Variants in TRIM3 observed in about 807,000 individuals in gnomAD.
TRIM3 encodes the protein tripartite motif containing 3, also known as tripartite motif-containing protein 3.
TRIM3 carries 13 observed loss-of-function variants against 66.6 expected under a neutral mutation model. That is an observed-to-expected ratio of 0.20 (90% confidence interval 0.13 to 0.31). The LOEUF is 0.31. Among genes scored for constraint, TRIM3 ranks in the 10% least tolerant of loss-of-function variants. The probability of loss-of-function intolerance (pLI) is 1.00; values close to 1 mark genes in which losing one functional copy is unlikely to be tolerated. For synonymous variants in TRIM3, 406 were observed against 411.7 expected, an observed-to-expected ratio of 0.99 and a Z score of 0.17; for missense variants, 711 against 1,020.4, an observed-to-expected ratio of 0.70 and a Z score of 4.13.
intron 7 of TRIM3, 94 bp downstream of exon 7, chr11:6,455,978 T>C (rs1033651782): frequency 4.8e-6 from 6 of 1,249,396 alleles, no homozygotes; most frequent in Non-Finnish European, 6.9e-6. Context: ...GGGTTCCATC[T>C]TCCAGGAGGT....
rs1850082575 is a variant in TRIM3, at chr11:6,458,258, A to T, written c.170T>A (p.Leu57Gln). Residue 57 changes from leucine (L) to glutamine (Q), a missense_variant, in exon 3 of 12, where the codon CTA becomes CAA. Physicochemically the swap from Leu to Gln is moderately radical, Grantham distance 113. Around this residue, in one of 3 missense-constraint regions of TRIM3, gnomAD observed 149 missense variants for 240.3 expected, o/e 0.62. Transcript: ENST00000345851. The surrounding 1 kb of genome is among the most constrained non-coding windows in gnomAD (Gnocchi z 6.2). ...QNYIPAQSLT[L>Q]SCPVCRQTSI... ...CGTCTGCCGGCATACTGGACAGGAT[A>T]GCGTCAGGCTCTGGGCAGGGATATA... The T allele has an allele frequency of 1.2e-6, 2 of 1,614,046 alleles. No homozygotes were observed. Among genetic ancestry groups the T allele is most frequent in the Non-Finnish European group, 1.7e-6 (2 of 1,180,004 alleles).
chr11:6,462,896 A>G (rs1564971859), intron 2 of TRIM3, among the ~76,000 whole-genome samples: 1 of 151,874 alleles, frequency 6.6e-6, no homozygotes, highest in Non-Finnish European at 1.5e-5. Flanking sequence ...CATCTCTAAA[A>G]AAAAAATAAA....
rs868258571 is a variant in TRIM3 at position 6,450,635 on chromosome 11, G to A, written c.1871-14C>T. ...CAAAATGGGGCCCTGAAAATACAAA[G>A]TGGTCTTCAGGGCAGTAAGCTGGGA... On this transcript the variant is annotated splice_polypyrimidine_tract_variant and intron_variant, in intron 9 of 11. Transcript: ENST00000345851. The surrounding 1 kb of genome is among the most constrained non-coding windows in gnomAD (Gnocchi z 4.8). 1.2e-5 allele frequency: 20 copies of A among 1,613,496 alleles called. No homozygotes were observed. Among genetic ancestry groups the A allele is most frequent in the Non-Finnish European group, 1.7e-5 (20 of 1,179,438 alleles).
chr11:6,453,565 A>G (rs1849829437), intron 7 of TRIM3, among the ~76,000 whole-genome samples: 1 of 152,230 alleles, frequency 6.6e-6, no homozygotes, highest in Admixed American at 6.5e-5. Context: ...CCAGTAAAGT[A>G]TGAAAAGTAC....
intron 1 of TRIM3, 113 bp from the exon 2 acceptor site, chr11:6,465,845 C>T (rs1307306233): frequency 2.3e-6 from 2 of 869,076 alleles, no homozygotes; most frequent in Admixed American, 2.4e-5. Flanking sequence ...CTGCTAGGGG[C>T]AAGACAGGGC....
chr11:6,454,369 C>T (rs1384173857), intron 7 of TRIM3, among the ~76,000 whole-genome samples: 1 of 129,956 alleles, frequency 7.7e-6, no homozygotes, highest in African/African-American at 2.8e-5. Context: ...CCAGCCTGGA[C>T]AACAGAGACC....
chr11:6,461,664 T>C (rs899476094), intron 2 of TRIM3, among the ~76,000 whole-genome samples: 1 of 152,144 alleles, frequency 6.6e-6, no homozygotes, highest in African/African-American at 2.4e-5. Context: ...GCAGCTTTCT[T>C]CCAAGCTCAC....
At chr11:6,452,711 T>G (rs1332834363) in intron 7 of TRIM3, 1 of 152,214 alleles carries the variant, frequency 6.6e-6, no homozygotes, top group Non-Finnish European at 1.5e-5. Context: ...TACCATGAGC[T>G]CCACGAGCTA....
At chr11:6,467,347 T>G (rs1193660708) in intron 1 of TRIM3, among the ~76,000 whole-genome samples, 1 of 152,108 alleles carries the variant, frequency 6.6e-6, no homozygotes, top group East Asian at 1.9e-4. Flanking sequence ...TAAAGGTTCT[T>G]AGGCAGAAGG....
intron 1 of TRIM3, among the ~76,000 whole-genome samples, chr11:6,467,869 T>C (rs951402581): frequency 6.6e-6 from 1 of 152,214 alleles, no homozygotes; most frequent in African/African-American, 2.4e-5. Context: ...GCTGTGAGAA[T>C]TGAAGACAAA....
In TRIM3 at chr11:6,451,386, G is replaced by A; in HGVS notation, c.1586C>T (p.Ser529Leu). 1 of 1,614,212 alleles carries A rather than the reference G, an allele frequency of 6.2e-7. No homozygotes were observed. Among genetic ancestry groups the A allele is most frequent in the Non-Finnish European group, 8.5e-7 (1 of 1,180,044 alleles). Residue 529 changes from serine (S) to leucine (L), a missense_variant, in exon 8 of 12, where the codon TCA becomes TTA. Physicochemically the swap from Ser to Leu is moderately radical, Grantham distance 145. Transcript: ENST00000345851. Reference sequence around the variant, plus strand: ...TGTGGGGCGCTGCAGCTGCCCAGGTGAGCGTCCTCGGACCCCAAAACGGAA... The same window carrying A: ...TGTGGGGCGCTGCAGCTGCCCAGGTAAGCGTCCTCGGACCCCAAAACGGAA... ...FKFRFGVRGR[S>L]PGQLQRPTGV... is the part of the protein sequence containing the mutation.
chr11:6,457,971 A>C lies in TRIM3; in HGVS notation c.363+94T>G. 6.5e-7 allele frequency: 1 copy of C among 1,536,804 alleles called. No individual in the cohort carries two copies. The highest frequency in any genetic ancestry group is 8.8e-7 in the Non-Finnish European group (1 of 1,133,932). On this transcript the variant is annotated intron_variant, in intron 3 of 11. Coordinates refer to ENST00000345851, the MANE Select transcript of TRIM3 (RefSeq NM_033278.4). This position sits in a 1 kb window ranked among gnomAD's most constrained non-coding sequence, Gnocchi z 4.5. The stretch of plus-strand genomic sequence containing the variant: ...CCTACCTGGACCACTAATCCAGAGC[A>C]GTACCCTGTCACCCAGCCACTCGGC...
chr11:6,457,983 C>T lies in TRIM3; in HGVS notation c.363+82G>A, dbSNP rs1440406521. On this transcript the variant is annotated intron_variant, in intron 3 of 11. Transcript: ENST00000345851. This position sits in a 1 kb window ranked among gnomAD's most constrained non-coding sequence, Gnocchi z 4.5. The stretch of plus-strand genomic sequence containing the variant: ...ACTAATCCAGAGCAGTACCCTGTCA[C>T]CCAGCCACTCGGCACCCCCCAATGC... The T allele has an allele frequency of 2.6e-6, 4 of 1,535,970 alleles. No homozygotes were observed. The East Asian group carries it at 6.9e-5, about 26-fold the overall frequency.
rs116192611 is a variant in TRIM3, at chr11:6,451,821, A to G, written c.1534-383T>C. 921 of 213,044 alleles carry G rather than the reference A, an allele frequency of 4.3e-3. 7 individuals carry two copies. The highest frequency in any genetic ancestry group is 0.021 in the African/African-American group (888 of 43,048). The allele number at this position is 213,044 out of a possible 1,614,324, so 13.2% of individuals were successfully genotyped here. ...ATGGGCACCACTTGAGGACTTGTCC[A>G]GTGTGGCTGGACTGCAGGGAGCACC... On this transcript the variant is annotated intron_variant, in intron 7 of 11. Transcript: ENST00000345851.
Position 6,450,844 on chromosome 11 carries a change from C to A in TRIM3, c.1870+48G>T. 1 of 1,606,576 alleles carries A rather than the reference C, an allele frequency of 6.2e-7. No individual in the cohort carries two copies. ...TACAGCTGGGGTATCTAGGGGAGTT[C>A]TCTGGAACAGGGGTATCAGCATAGA... On this transcript the variant is annotated intron_variant, in intron 9 of 11. Coordinates refer to ENST00000345851, the MANE Select transcript of TRIM3 (RefSeq NM_033278.4). The surrounding 1 kb of genome is among the most constrained non-coding windows in gnomAD (Gnocchi z 4.8).
Position 6,458,028 on chromosome 11 carries a change from C to G in TRIM3, c.363+37G>C. The G allele has an allele frequency of 6.4e-7, 1 of 1,570,624 alleles. No individual in the cohort carries two copies. The highest frequency in any genetic ancestry group is 8.6e-7 in the Non-Finnish European group (1 of 1,157,646). On this transcript the variant is annotated intron_variant, in intron 3 of 11. Coordinates refer to ENST00000345851, the MANE Select transcript of TRIM3 (RefSeq NM_033278.4). This position sits in a 1 kb window ranked among gnomAD's most constrained non-coding sequence, Gnocchi z 6.2. ...CAATGCCTCTCCTCCTCCTCCCACCCCAAGTCCCGGCCTCACTGGGCCTCG... is the reference window on the plus strand; with the variant it reads ...CAATGCCTCTCCTCCTCCTCCCACCGCAAGTCCCGGCCTCACTGGGCCTCG...
intron 1 of TRIM3, among the ~76,000 whole-genome samples, chr11:6,472,295 G>C (rs1404236971): frequency 1.3e-5 from 2 of 152,172 alleles, no homozygotes; most frequent in African/African-American, 4.8e-5. Context: ...CTCAAGCCAA[G>C]GGCTTCCACA....
chr11:6,455,269 T>C (rs80119108), intron 7 of TRIM3, among the ~76,000 whole-genome samples: 4 of 77,132 alleles, frequency 5.2e-5, no homozygotes, highest in African/African-American at 2.5e-4. Context: ...ATTTTACACA[T>C]GAGTTAACTG....
chr11:6,455,846 T>C (rs943594495), intron 7 of TRIM3, among the ~76,000 whole-genome samples: 2 of 152,206 alleles, frequency 1.3e-5, no homozygotes, highest in Admixed American at 6.5e-5. Flanking sequence ...ACAAGCATAG[T>C]AAACTCTGGT....
Sources: gnomAD v4.1 joint callset for allele counts (sites outside exome capture counted in the v4.1 genomes callset) on GRCh38, gnomAD v4.1.1 for gene constraint, gnomAD v4.1.1 regional missense constraint, Gnocchi (gnomAD v3.1) non-coding constraint, MANE v1.5 for transcripts, NCBI Gene and HGNC (gene_info 2026-07-23, HGNC 2026-07-21) for gene names.